NEO1: variants seen among roughly 807,000 people sequenced by gnomAD.
NEO1 encodes the protein neogenin.
NEO1 carries 63 observed loss-of-function variants against 159.7 expected under a neutral mutation model. That is an observed-to-expected ratio of 0.39 (90% CI 0.32 to 0.49). The LOEUF is 0.49. Ranked by LOEUF, NEO1 falls within the 20% of genes least tolerant of loss-of-function variation. The probability of loss-of-function intolerance (pLI) is 0.85; values close to 1 mark genes in which losing one functional copy is unlikely to be tolerated. For synonymous variants in NEO1, 633 were observed against 662.0 expected (o/e 0.96, Z 0.67); for missense variants, 1,615 against 1,831.0 (o/e 0.88, Z 2.15).
chr15:73,114,290 G>T (rs73440033), intron 1 of NEO1, among the ~76,000 whole-genome samples: 3,450 of 152,272 alleles, frequency 0.023, 121 homozygotes, highest in African/African-American at 0.08. Flanking sequence ...GCAGAAGCTA[G>T]ATCAGGTGGT....
rs1373101257 is a variant in NEO1 at position 73,305,012 on chromosome 15, G to A, written c.*2316G>A. ...GAGCTGCCGCTCAGCAGCTTCCTCGGGGGGATTTGGAACACCTGTGTCTGT... is the reference window on the plus strand; with the variant it reads ...GAGCTGCCGCTCAGCAGCTTCCTCGAGGGGATTTGGAACACCTGTGTCTGT... On this transcript the variant is annotated 3_prime_UTR_variant, in exon 29 of 29. Transcript: ENST00000261908. The A allele has an allele frequency of 1.3e-5, 2 of 152,294 alleles. No homozygotes were observed. The highest frequency in any genetic ancestry group is 4.1e-4 in the South Asian group (2 of 4,822). The allele number at this position is 152,294 out of a possible 1,614,324, so 9.4% of individuals were successfully genotyped here.
At chr15:73,210,707 G>A (rs999309583) in intron 7 of NEO1, among the ~76,000 whole-genome samples, 1 of 152,072 alleles carries the variant, frequency 6.6e-6, no homozygotes, top group Admixed American at 6.5e-5. Context: ...TGGTCTTTTT[G>A]GTTAATAAGA....
chr15:73,121,599 CTAGTT>C (rs2071655934), intron 2 of NEO1, among the ~76,000 whole-genome samples: 1 of 152,024 alleles, frequency 6.6e-6, no homozygotes, highest in Admixed American at 6.6e-5. Context: ...TTTTTGTTTA[CTAGTT>C]TTGGTGTCCA....
At chr15:73,154,257 A>C (rs140931084) in intron 5 of NEO1, among the ~76,000 whole-genome samples, 1 of 152,174 alleles carries the variant, frequency 6.6e-6, no homozygotes, top group Non-Finnish European at 1.5e-5. Context: ...TATCGGGTAC[A>C]TGAGATATTT....
intron 7 of NEO1, among the ~76,000 whole-genome samples, chr15:73,178,961 C>T (rs897852439): frequency 2.0e-5 from 3 of 152,198 alleles, no homozygotes; most frequent in South Asian, 2.1e-4. Context: ...ATCAAATCCA[C>T]GTTTCTTAGA....
chr15:73,059,985 G>A (rs1162196042), intron 1 of NEO1, among the ~76,000 whole-genome samples: 1 of 151,892 alleles, frequency 6.6e-6, no homozygotes, highest in Non-Finnish European at 1.5e-5. Flanking sequence ...TTTTTGTAAT[G>A]ATACTATGTG....
rs2067769841 is a variant in NEO1 at position 73,057,559 on chromosome 15, G to A, written c.130+4754G>A. On this transcript the variant is annotated intron_variant, in intron 1 of 28. Transcript: ENST00000261908. ...AAGTGAGGAGAAGTTTTGTGTTTAC[G>A]ATTTTGAAAAATTAACTTTGTCATG... 2.0e-5 allele frequency among the ~76,000 whole-genome samples: 3 copies of A among 152,084 alleles called. No individual in the cohort carries two copies. In the South Asian group the frequency reaches 6.2e-4, roughly 31 times the overall value.
chr15:73,212,731 C>CA (rs776778842), intron 7 of NEO1, among the ~76,000 whole-genome samples: 52 of 139,300 alleles, frequency 3.7e-4, no homozygotes, highest in Non-Finnish European at 3.9e-4. Flanking sequence ...CTGATAGTAG[C>CA]AAAAAAAAAG....
chr15:73,200,565 A>T (rs2036816738), intron 7 of NEO1, among the ~76,000 whole-genome samples: 1 of 150,760 alleles, frequency 6.6e-6, no homozygotes, highest in African/African-American at 2.4e-5. Flanking sequence ...GGGAAATGGG[A>T]AAGGGAGTCT....
chr15:73,090,117 T>TA (rs1465868899), intron 1 of NEO1, among the ~76,000 whole-genome samples: 11 of 152,220 alleles, frequency 7.2e-5, no homozygotes, highest in African/African-American at 2.7e-4. Flanking sequence ...TAGGAATTGA[T>TA]ATAGAAATAT....
intron 5 of NEO1, among the ~76,000 whole-genome samples, chr15:73,138,451 G>A (rs1447230584): frequency 6.6e-6 from 1 of 152,190 alleles, no homozygotes; most frequent in African/African-American, 2.4e-5. Context: ...TACTGCAAGA[G>A]CCTTTTAAAA....
chr15:73,170,517 G>T (rs1431993792), intron 5 of NEO1, among the ~76,000 whole-genome samples: 1 of 152,190 alleles, frequency 6.6e-6, no homozygotes, highest in African/African-American at 2.4e-5. Flanking sequence ...AAAGGACTCA[G>T]GAGCTTTCAC....
At chr15:73,298,656 G>T (rs775405527) in intron 27 of NEO1, 45 bp downstream of exon 27, 9 of 1,604,882 alleles carry the variant, frequency 5.6e-6, no homozygotes. Context: ...CACCTGGAGT[G>T]ACCCTTTGGC....
chr15:73,157,876 T>C (rs1354256534), intron 5 of NEO1, among the ~76,000 whole-genome samples: 2 of 152,176 alleles, frequency 1.3e-5, no homozygotes, highest in Non-Finnish European at 2.9e-5. Flanking sequence ...GTTTCCCTTG[T>C]TGATATTTTG....
intron 5 of NEO1, among the ~76,000 whole-genome samples, chr15:73,165,308 G>A (rs1004172245): frequency 6.6e-6 from 1 of 152,074 alleles, no homozygotes; most frequent in African/African-American, 2.4e-5. Flanking sequence ...TGATAAAGAG[G>A]AGGCTTTTAT....
At chr15:73,181,019 A>G (rs2035577603) in intron 7 of NEO1, among the ~76,000 whole-genome samples, 3 of 152,224 alleles carry the variant, frequency 2.0e-5, no homozygotes, top group Admixed American at 6.5e-5. Context: ...ATACCAGTCC[A>G]GATGCATAAA....
At chr15:73,210,626 A>G (rs2037504999) in intron 7 of NEO1, among the ~76,000 whole-genome samples, 1 of 152,228 alleles carries the variant, frequency 6.6e-6, no homozygotes, top group Non-Finnish European at 1.5e-5. Flanking sequence ...TGGAGGTTTA[A>G]TAGCTTGTTA....
At chr15:73,168,225 T>C (rs2032799117) in intron 5 of NEO1, among the ~76,000 whole-genome samples, 1 of 152,086 alleles carries the variant, frequency 6.6e-6, no homozygotes. Context: ...AGTCTCCCTC[T>C]GGTGCCCAGG....
At chr15:73,167,547 C>T (rs901653397) in intron 5 of NEO1, among the ~76,000 whole-genome samples, 3 of 152,122 alleles carry the variant, frequency 2.0e-5, no homozygotes, top group African/African-American at 7.2e-5. Flanking sequence ...GAAAGTAGGT[C>T]TCAAAAATAT....
Sources: gnomAD v4.1 joint callset for allele counts (sites outside exome capture counted in the v4.1 genomes callset) on GRCh38, gnomAD v4.1.1 for gene constraint, MANE v1.5 for transcripts, NCBI Gene and HGNC (gene_info 2026-07-23, HGNC 2026-07-21) for gene names.